Variants in UPRT observed in about 807,000 individuals in gnomAD.
UPRT encodes uracil phosphoribosyltransferase homolog, also known as RP11-311P8.3.
Under a neutral mutation model 22.6 loss-of-function variants are expected in UPRT, and 5 were observed. The ratio of observed to expected loss-of-function variants is 0.22; its 90% CI spans 0.12 to 0.47. The LOEUF is 0.47. Among genes scored for constraint, UPRT ranks in the 20% least tolerant of loss-of-function variants. UPRT has a pLI of 0.99. For synonymous variants in UPRT, 77 were observed against 87.7 expected, an observed-to-expected ratio of 0.88 and a Z score of 0.68; for missense variants, 181 against 239.9, an observed-to-expected ratio of 0.75 and a Z score of 1.62.
intron 4 of UPRT, among the ~76,000 whole-genome samples, chrX:75,215,570 A>G (rs917694773): frequency 1.8e-5 from 2 of 112,093 alleles, no homozygotes; most frequent in Non-Finnish European, 3.8e-5. Flanking sequence ...AAAGGGTAAT[A>G]AAGAAATATT....
At chrX:75,253,736 T>C (rs898004469) in intron 4 of UPRT, among the ~76,000 whole-genome samples, 1 of 111,934 alleles carries the variant, frequency 8.9e-6, no homozygotes, top group East Asian at 2.8e-4. Context: ...ACAATGCAAA[T>C]ACTTTGAGTG....
intron 4 of UPRT, among the ~76,000 whole-genome samples, chrX:75,173,872 G>T (rs924856585): frequency 1.6e-4 from 18 of 112,410 alleles, no homozygotes; most frequent in Non-Finnish European, 3.2e-4. Context: ...GGGGCTGGCA[G>T]GGCTGGCCGG....
At chrX:75,171,389 C>T (rs1020317860) in intron 4 of UPRT, among the ~76,000 whole-genome samples, 4 of 111,715 alleles carry the variant, frequency 3.6e-5, no homozygotes, top group African/African-American at 1.3e-4. Flanking sequence ...GTACATTTTG[C>T]ATTTTGCTAA....
At chrX:75,172,050 C>G (rs1468760600) in intron 4 of UPRT, among the ~76,000 whole-genome samples, 1 of 111,979 alleles carries the variant, frequency 8.9e-6, no homozygotes, top group Non-Finnish European at 1.9e-5. Flanking sequence ...TATTTTTATG[C>G]TCGTTGGCCT....
At chrX:75,232,314 T>G (rs1387198325) in intron 4 of UPRT, among the ~76,000 whole-genome samples, 5 of 112,481 alleles carry the variant, frequency 4.4e-5, no homozygotes, top group Non-Finnish European at 9.4e-5. Context: ...TGCTGATTGC[T>G]AGCACAGCAG....
At chrX:75,167,460 T>G (rs1395549960) in intron 3 of UPRT, among the ~76,000 whole-genome samples, 2 of 112,002 alleles carry the variant, frequency 1.8e-5, no homozygotes, top group African/African-American at 6.5e-5. Context: ...ATCATATATG[T>G]CTCTTTATCA....
At chrX:75,186,042 G>A (rs1412655345) in intron 4 of UPRT, among the ~76,000 whole-genome samples, 1 of 111,068 alleles carries the variant, frequency 9.0e-6, no homozygotes, top group African/African-American at 3.3e-5. Context: ...TCTGATTTTA[G>A]TTATTTCTTA....
intron 4 of UPRT, among the ~76,000 whole-genome samples, chrX:75,247,311 A>T (rs2082510152): frequency 9.0e-6 from 1 of 111,337 alleles, no homozygotes; most frequent in African/African-American, 3.3e-5. Flanking sequence ...GCAAGGGGTA[A>T]GGGAATTCCC....
At chrX:75,188,618 G>C (rs898429609) in intron 4 of UPRT, among the ~76,000 whole-genome samples, 1 of 112,301 alleles carries the variant, frequency 8.9e-6, no homozygotes, top group Non-Finnish European at 1.9e-5. Context: ...GCCCCTCCCC[G>C]AGCCTCGCTG....
intron 1 of UPRT, among the ~76,000 whole-genome samples, chrX:75,276,421 T>A (rs1175041081): frequency 8.9e-6 from 1 of 111,751 alleles, no homozygotes; most frequent in African/African-American, 3.3e-5. Context: ...TTACTCTTTT[T>A]AATGAATCAA....
intron 4 of UPRT, among the ~76,000 whole-genome samples, chrX:75,257,990 G>A: frequency 9.1e-6 from 1 of 110,170 alleles, no homozygotes; most frequent in East Asian, 2.9e-4. Flanking sequence ...AATTGGTCAG[G>A]GAATTCTCTC....
chrX:75,213,304 C>T (rs758354976), intron 4 of UPRT, among the ~76,000 whole-genome samples: 2 of 112,014 alleles, frequency 1.8e-5, no homozygotes, highest in Non-Finnish European at 3.8e-5. Flanking sequence ...GTTATATATG[C>T]GTGCATTTTG....
chrX:75,229,796 C>G (rs1200831063), intron 4 of UPRT, among the ~76,000 whole-genome samples: 1 of 112,015 alleles, frequency 8.9e-6, no homozygotes, highest in African/African-American at 3.2e-5. Context: ...TGGCAGCCAG[C>G]AGAATTGGGG....
chrX:75,240,007 G>T (rs1251008714), intron 4 of UPRT, among the ~76,000 whole-genome samples: 1 of 111,105 alleles, frequency 9.0e-6, no homozygotes. Context: ...TGGGGGAAAA[G>T]TTGAAAGCAT....
chrX:75,239,644 C>CA (rs940298054), intron 4 of UPRT, among the ~76,000 whole-genome samples: 2 of 110,502 alleles, frequency 1.8e-5, no homozygotes, highest in East Asian at 2.8e-4. Flanking sequence ...AAGGATATAA[C>CA]AAAAAAAGAA....
chrX:75,199,838 C>A (rs189443717), intron 4 of UPRT, among the ~76,000 whole-genome samples: 5 of 111,831 alleles, frequency 4.5e-5, no homozygotes, highest in Non-Finnish European at 9.4e-5. Flanking sequence ...TGGTTTGCTG[C>A]ACCCTTCAAC....
chrX:75,205,352 C>G (rs1286664086), intron 4 of UPRT, among the ~76,000 whole-genome samples: 1 of 88,852 alleles, frequency 1.1e-5, no homozygotes, highest in Non-Finnish European at 2.1e-5. Context: ...AGTCCGCAGT[C>G]CGGCCTGGGC....
chrX:75,184,028 C>T (rs10126997), intron 4 of UPRT, among the ~76,000 whole-genome samples: 3,192 of 111,983 alleles, frequency 0.029, 113 homozygotes, highest in African/African-American at 0.099. Flanking sequence ...TTTAGTTTAA[C>T]TAGATCCCAT....
intron 4 of UPRT, among the ~76,000 whole-genome samples, chrX:75,182,005 T>C (rs2082271749): frequency 8.9e-6 from 1 of 112,051 alleles, no homozygotes; most frequent in African/African-American, 3.2e-5. Context: ...CTCTTAATAT[T>C]TTGAAGTATA....
Sources: gnomAD v4.1 joint callset for allele counts (sites outside exome capture counted in the v4.1 genomes callset) on GRCh38, gnomAD v4.1.1 for gene constraint, MANE v1.5 for transcripts, NCBI Gene and HGNC (gene_info 2026-07-23, HGNC 2026-07-21) for gene names.